The following NKAIN2 variants were observed in gnomAD, a reference collection of about 807,000 sequenced individuals.
NKAIN2 encodes sodium/potassium transporting ATPase interacting 2, also known as sodium/potassium-transporting ATPase subunit beta-1-interacting protein 2.
In NKAIN2, 14 loss-of-function variants were observed where a neutral mutation model predicts 32.6. The ratio of observed to expected loss-of-function variants is 0.43; its 90% CI spans 0.28 to 0.67. The LOEUF is 0.67. Ranked by LOEUF, NKAIN2 falls within the 30% of genes least tolerant of loss-of-function variation. The pLI, the probability that NKAIN2 is intolerant of heterozygous loss-of-function variation, is 0.17. For missense variants in NKAIN2, 198 were observed against 258.3 expected, an observed-to-expected ratio of 0.77 and a Z score of 1.60; for synonymous variants, 80 against 87.2, an observed-to-expected ratio of 0.92 and a Z score of 0.46.
intron 1 of NKAIN2, among the ~76,000 whole-genome samples, chr6:124,227,770 C>A (rs1005428696): frequency 1.8e-4 from 27 of 152,104 alleles, no homozygotes; most frequent in African/African-American, 6.3e-4. Flanking sequence ...GAAGGTAATG[C>A]CTCATAACTG....
At chr6:124,204,927 C>T (rs1790779728) in intron 1 of NKAIN2, among the ~76,000 whole-genome samples, 1 of 150,630 alleles carries the variant, frequency 6.6e-6, no homozygotes, top group African/African-American at 2.4e-5. Context: ...TTTTTTATGT[C>T]ATTATATTTA....
intron 3 of NKAIN2, among the ~76,000 whole-genome samples, chr6:124,408,436 C>A (rs1410500969): frequency 1.3e-5 from 2 of 152,166 alleles, no homozygotes; most frequent in African/African-American, 2.4e-5. Context: ...TTTCCCAGCA[C>A]CATTTATTAA....
chr6:124,602,293 T>C (rs753878164), intron 3 of NKAIN2, among the ~76,000 whole-genome samples: 1 of 151,944 alleles, frequency 6.6e-6, no homozygotes, highest in Non-Finnish European at 1.5e-5. Context: ...GTGTGAAGAC[T>C]AACTCATCTT....
chr6:123,968,614 C>G (rs551768851), intron 1 of NKAIN2, among the ~76,000 whole-genome samples: 1 of 152,092 alleles, frequency 6.6e-6, no homozygotes, highest in Non-Finnish European at 1.5e-5. Context: ...TAAGCTGTGT[C>G]CTAGTTATCA....
At chr6:124,600,195 CT>C in intron 3 of NKAIN2, among the ~76,000 whole-genome samples, 1 of 152,156 alleles carries the variant, frequency 6.6e-6, no homozygotes. Context: ...TAAATGACTG[CT>C]TATGGACACC....
intron 4 of NKAIN2, among the ~76,000 whole-genome samples, chr6:124,754,756 C>A (rs1160852234): frequency 6.6e-6 from 1 of 152,050 alleles, no homozygotes; most frequent in Non-Finnish European, 1.5e-5. Flanking sequence ...GACAGAAATA[C>A]TATTCAATCC....
intron 1 of NKAIN2, among the ~76,000 whole-genome samples, chr6:124,060,037 C>A (rs1782851708): frequency 6.6e-6 from 1 of 152,090 alleles, no homozygotes; most frequent in Admixed American, 6.6e-5. Flanking sequence ...TACTTGTGGG[C>A]AGAGGCCATA....
At chr6:124,607,715 T>C (rs1248532666) in intron 3 of NKAIN2, among the ~76,000 whole-genome samples, 1 of 152,112 alleles carries the variant, frequency 6.6e-6, no homozygotes, top group East Asian at 1.9e-4. Flanking sequence ...TATGCATATA[T>C]ATAAACTGTT....
intron 3 of NKAIN2, among the ~76,000 whole-genome samples, chr6:124,391,510 C>CCTCTG (rs1773140062): frequency 6.6e-6 from 1 of 152,090 alleles, no homozygotes. Flanking sequence ...GGAACATATA[C>CCTCTG]CTCTACAGAG....
chr6:124,598,557 C>G (rs1291137140), intron 3 of NKAIN2, among the ~76,000 whole-genome samples: 1 of 151,772 alleles, frequency 6.6e-6, no homozygotes, highest in Non-Finnish European at 1.5e-5. Context: ...CACTTGCATG[C>G]TATTGCCCAA....
chr6:124,440,840 A>G (rs1233956341), intron 3 of NKAIN2, among the ~76,000 whole-genome samples: 1 of 152,088 alleles, frequency 6.6e-6, no homozygotes, highest in African/African-American at 2.4e-5. Flanking sequence ...GTAAATCTGT[A>G]CAGCCTAGAA....
At chr6:124,072,628 C>T (rs933072713) in intron 1 of NKAIN2, among the ~76,000 whole-genome samples, 4 of 152,190 alleles carry the variant, frequency 2.6e-5, no homozygotes, top group Non-Finnish European at 5.9e-5. Context: ...CTAGGCCACT[C>T]ACTTTGCTCT....
chr6:124,545,373 T>C (rs939569063), intron 3 of NKAIN2, among the ~76,000 whole-genome samples: 17 of 152,174 alleles, frequency 1.1e-4, no homozygotes, highest in Admixed American at 1.1e-3. Flanking sequence ...CCTTTGCCCA[T>C]AAAGACAAGC....
At chr6:124,371,809 T>G (rs1364435733) in intron 3 of NKAIN2, among the ~76,000 whole-genome samples, 1 of 152,116 alleles carries the variant, frequency 6.6e-6, no homozygotes, top group Non-Finnish European at 1.5e-5. Flanking sequence ...TAAATGTGAT[T>G]TATGAGGGTT....
chr6:123,972,384 A>G (rs2038222), intron 1 of NKAIN2, among the ~76,000 whole-genome samples: 56,734 of 152,066 alleles, frequency 0.37, 10,831 homozygotes, highest in South Asian at 0.54. Flanking sequence ...CACAGAACTC[A>G]AGGGATTTCT....
intron 1 of NKAIN2, among the ~76,000 whole-genome samples, chr6:124,012,229 G>A (rs1414196827): frequency 4.0e-5 from 6 of 151,438 alleles, no homozygotes; most frequent in Admixed American, 6.6e-5. Flanking sequence ...CCCACCCCCA[G>A]ATAATGACTG....
intron 4 of NKAIN2, among the ~76,000 whole-genome samples, chr6:124,782,525 G>A (rs1779316985): frequency 6.6e-6 from 1 of 151,984 alleles, no homozygotes; most frequent in Admixed American, 6.6e-5. Context: ...TGTTCCCATT[G>A]TCATCACTGG....
intron 1 of NKAIN2, among the ~76,000 whole-genome samples, chr6:123,961,361 G>A (rs771441322): frequency 2.0e-5 from 3 of 152,226 alleles, no homozygotes; most frequent in East Asian, 1.9e-4. Context: ...TAAAGCTCAC[G>A]TGTTCATGGG....
intron 3 of NKAIN2, among the ~76,000 whole-genome samples, chr6:124,499,827 G>A (rs1778214566): frequency 6.6e-6 from 1 of 152,174 alleles, no homozygotes; most frequent in African/African-American, 2.4e-5. Context: ...TTTCAAGTTT[G>A]GGGGCATTAA....
Sources: gnomAD v4.1 joint callset for allele counts (sites outside exome capture counted in the v4.1 genomes callset) on GRCh38, gnomAD v4.1.1 for gene constraint, MANE v1.5 for transcripts, NCBI Gene and HGNC (gene_info 2026-07-23, HGNC 2026-07-21) for gene names.